The following RAB40B variants were observed in gnomAD, a reference collection of about 807,000 sequenced individuals.
RAB40B encodes ras-related protein Rab-40B.
In RAB40B, 21 loss-of-function variants were observed where a neutral mutation model predicts 24.0. The observed-to-expected ratio is 0.88, with a 90% CI of 0.62 to 1.26. The LOEUF (loss-of-function observed/expected upper bound fraction) is 1.26. Ranked by LOEUF, RAB40B falls within the 50% of genes most tolerant of loss-of-function variation. RAB40B has a pLI of 0.00. For synonymous variants in RAB40B, 167 were observed against 169.8 expected (o/e 0.98, Z 0.13); for missense variants, 348 against 390.5 (o/e 0.89, Z 0.92).
At chr17:82,665,236 A>AC (rs967789212) in intron 1 of RAB40B, among the ~76,000 whole-genome samples, 4 of 145,800 alleles carry the variant, frequency 2.7e-5, no homozygotes, top group East Asian at 2.0e-4. Context: ...CAAAAAAAAA[A>AC]CCCGAGAATG....
chr17:82,671,508 A>C (rs1598303750), intron 1 of RAB40B, among the ~76,000 whole-genome samples: 1 of 110,618 alleles, frequency 9.0e-6, no homozygotes, highest in Non-Finnish European at 2.0e-5. Context: ...TCACTGACAC[A>C]CCCCACCCCT....
intron 1 of RAB40B, among the ~76,000 whole-genome samples, chr17:82,690,182 T>C (rs1269810437): frequency 6.6e-6 from 1 of 151,790 alleles, no homozygotes. Context: ...AGAGGGAGCA[T>C]GGAGTGTGCA....
intron 1 of RAB40B, among the ~76,000 whole-genome samples, chr17:82,671,409 C>T (rs866989043): frequency 5.6e-5 from 8 of 141,930 alleles, no homozygotes; most frequent in Admixed American, 6.9e-5. Flanking sequence ...ACACACTTCA[C>T]CCTGTAACTC....
chr17:82,664,288 G>C (rs2015031), intron 2 of RAB40B, among the ~76,000 whole-genome samples: 1 of 135,044 alleles, frequency 7.4e-6, no homozygotes, highest in African/African-American at 2.7e-5. Context: ...GGTGCTCCCC[G>C]GGGTGCTGTG....
At chr17:82,664,620 C>T (rs1253302353) in intron 1 of RAB40B, 64 bp from the exon 2 acceptor site, 23 of 1,488,470 alleles carry the variant, frequency 1.5e-5, no homozygotes, top group Middle Eastern at 1.7e-4. Context: ...GGAAGTCTCA[C>T]GTTCAGGGAA....
rs895030900 is a variant in RAB40B, at chr17:82,672,408, C to G, written c.143-7852G>C. Reference sequence around the variant, plus strand: ...TGTAACTCTAACACACACACTCACACGCTCCCTGTACAGTTTTGTTGCTTT... The same window carrying G: ...TGTAACTCTAACACACACACTCACAGGCTCCCTGTACAGTTTTGTTGCTTT... On this transcript the variant is annotated intron_variant, in intron 1 of 5. Transcript: ENST00000571995. 2.2e-5 allele frequency among the ~76,000 whole-genome samples: 3 copies of G among 135,408 alleles called. No homozygotes were observed. The South Asian group carries it at 7.2e-4, about 33-fold the overall frequency. The allele number at this position is 135,408 out of a possible 152,430, so 88.8% of individuals were successfully genotyped here.
chr17:82,670,551 T>C (rs1463670040), intron 1 of RAB40B, among the ~76,000 whole-genome samples: 1 of 140,394 alleles, frequency 7.1e-6, no homozygotes, highest in African/African-American at 2.6e-5. Flanking sequence ...TTTTTTTTTT[T>C]TGAGACGGAG....
intron 1 of RAB40B, among the ~76,000 whole-genome samples, chr17:82,683,432 A>G (rs2677924): frequency 0.85 from 129,795 of 152,138 alleles, 55,566 homozygotes; most frequent in Admixed American, 0.92. Context: ...CTTACATCCA[A>G]AACGTATTTA....
chr17:82,658,311 G>C, intron 5 of RAB40B, 177 bp from the exon 6 acceptor site: 1 of 1,065,080 alleles, frequency 9.4e-7, no homozygotes, highest in Non-Finnish European at 1.3e-6. Context: ...GATCCCAGGA[G>C]CTCCCTCATG....
intron 2 of RAB40B, among the ~76,000 whole-genome samples, chr17:82,664,181 G>A (rs370842700): frequency 5.3e-5 from 7 of 133,040 alleles, no homozygotes; most frequent in South Asian, 2.4e-4. Context: ...GCGCTGTGCC[G>A]ACGGTGGTGG....
At chr17:82,664,130 G>T in intron 2 of RAB40B, among the ~76,000 whole-genome samples, 1 of 140,954 alleles carries the variant, frequency 7.1e-6, no homozygotes, top group East Asian at 2.1e-4. Flanking sequence ...GCTCCCTGGG[G>T]TGCTGTGCCG....
chr17:82,687,467 C>T (rs1231907522), intron 1 of RAB40B, among the ~76,000 whole-genome samples: 1 of 152,136 alleles, frequency 6.6e-6, no homozygotes, highest in Non-Finnish European at 1.5e-5. Flanking sequence ...AATTCAGGAG[C>T]AAACTTTGCT....
Position 82,663,577 on chromosome 17 carries a change from G to C in RAB40B, c.203+919C>G, listed in dbSNP as rs1598296729. Among the ~76,000 whole-genome samples, 2 of 152,120 alleles carry C rather than the reference G, an allele frequency of 1.3e-5. No individual in the cohort carries two copies. Among genetic ancestry groups the C allele is most frequent in the African/African-American group, 4.8e-5 (2 of 41,422 alleles). On this transcript the variant is annotated intron_variant, in intron 2 of 5. Transcript: ENST00000571995. The surrounding 1 kb of genome is among the most constrained non-coding windows in gnomAD (Gnocchi z 6.2). ...GGGCTTGCCCCAAGGTGAGGAGCTG[G>C]GGTTCTCACAGCTGAGAGAGCAGAG... is the stretch of plus-strand genomic sequence containing the variant.
chr17:82,673,158 C>T (rs987158220), intron 1 of RAB40B, among the ~76,000 whole-genome samples: 45 of 152,114 alleles, frequency 3.0e-4, no homozygotes, highest in African/African-American at 1.0e-3. Flanking sequence ...GAGCTGAGAT[C>T]GTGCAACTGC....
intron 1 of RAB40B, among the ~76,000 whole-genome samples, chr17:82,674,868 T>C (rs1167613915): frequency 6.6e-6 from 1 of 151,592 alleles, no homozygotes; most frequent in South Asian, 2.1e-4. Flanking sequence ...GTGCAGGGAG[T>C]AGGCAGAGGA....
Position 82,664,502 on chromosome 17 carries a change from T to C in RAB40B, c.197A>G (p.Gln66Arg), listed in dbSNP as rs1195048030. The change falls in exon 2 of 6, where the codon CAG (glutamine) becomes CGG (arginine). Residue 66 changes from glutamine (Q) to arginine (R), a missense_variant. By Grantham distance (43) the Gln-to-Arg change is conservative. Coordinates refer to ENST00000571995, the MANE Select transcript of RAB40B (RefSeq NM_006822.3). ...GCACCTCCTCCAGACTCACCAGAGC[T>C]GCAGCTTCACCCGCCGCCCGTCCAG... Reference protein sequence around the residue: ...ILLDGRRVKLQLWDTSGQGRF... With the variant: ...ILLDGRRVKLRLWDTSGQGRF... The C allele has an allele frequency of 6.2e-7, 1 of 1,613,132 alleles. No individual in the cohort carries two copies. Among genetic ancestry groups the C allele is most frequent in the Non-Finnish European group, 8.5e-7 (1 of 1,179,590 alleles).
At chr17:82,683,819 A>AAAAG (rs931327027) in intron 1 of RAB40B, among the ~76,000 whole-genome samples, 17 of 147,916 alleles carry the variant, frequency 1.1e-4, no homozygotes, top group South Asian at 2.1e-4. Context: ...AAAAAAAAAA[A>AAAAG]AAAAGAAAAG....
chr17:82,689,598 G>A (rs952722110), intron 1 of RAB40B, among the ~76,000 whole-genome samples: 1 of 152,174 alleles, frequency 6.6e-6, no homozygotes, highest in African/African-American at 2.4e-5. Flanking sequence ...ATGCAATGGT[G>A]TTATTTTCAA....
Position 82,657,918 on chromosome 17 carries a change from C to T in RAB40B, c.782G>A (p.Arg261His), listed in dbSNP as rs757876031. The T allele has an allele frequency of 1.7e-5, 28 of 1,612,002 alleles. No individual in the cohort carries two copies. Among genetic ancestry groups the T allele is most frequent in the East Asian group, 6.7e-5 (3 of 44,820 alleles). ...RSSLRKVKLV[R>H]PPQSPPKNCT... ...GTTTTTGGGGGGGCTCTGGGGGGGG[C>T]GGACGAGCTTCACTTTGCGGAGGCT... is the stretch of plus-strand genomic sequence containing the variant. The change falls in exon 6 of 6, where the codon CGC becomes CAC. Residue 261 changes from arginine (R) to histidine (H), a missense_variant. Physicochemically the swap from Arg to His is conservative, Grantham distance 29. Around this residue, in one of 3 missense-constraint regions of RAB40B, gnomAD observed 121 missense variants for 124.0 expected, o/e 0.98. Transcript: ENST00000571995.
Sources: gnomAD v4.1 joint callset for allele counts (sites outside exome capture counted in the v4.1 genomes callset) on GRCh38, gnomAD v4.1.1 for gene constraint, gnomAD v4.1.1 regional missense constraint, Gnocchi (gnomAD v3.1) non-coding constraint, MANE v1.5 for transcripts, NCBI Gene and HGNC (gene_info 2026-07-23, HGNC 2026-07-21) for gene names.